The following PITPNC1 variants were observed in gnomAD, a reference collection of about 807,000 sequenced individuals.
PITPNC1 encodes the protein cytoplasmic phosphatidylinositol transfer protein 1.
In PITPNC1, 18 loss-of-function variants were observed where a neutral mutation model predicts 44.7. The ratio of observed to expected loss-of-function variants is 0.40; its 90% confidence interval spans 0.28 to 0.60. The LOEUF (loss-of-function observed/expected upper bound fraction) is 0.60. Ranked by LOEUF, PITPNC1 falls within the 20% of genes least tolerant of loss-of-function variation. PITPNC1 has a pLI of 0.39. For synonymous variants in PITPNC1, 141 were observed against 149.6 expected (o/e 0.94, Z 0.42); for missense variants, 290 against 418.4 (o/e 0.69, Z 2.68).
At chr17:67,416,680 AG>A (rs1420067074) in intron 1 of PITPNC1, among the ~76,000 whole-genome samples, 1 of 152,174 alleles carries the variant, frequency 6.6e-6, no homozygotes, top group Non-Finnish European at 1.5e-5. Flanking sequence ...ATATTTGAGA[AG>A]TACAATTTTT....
At chr17:67,603,076 A>G (rs2144277061) in intron 5 of PITPNC1, among the ~76,000 whole-genome samples, 1 of 152,236 alleles carries the variant, frequency 6.6e-6, no homozygotes, top group Non-Finnish European at 1.5e-5. Flanking sequence ...CAGTGGGTTC[A>G]TTTGATCAAT....
chr17:67,607,914 G>A (rs1383548167), intron 5 of PITPNC1, among the ~76,000 whole-genome samples: 3 of 151,864 alleles, frequency 2.0e-5, no homozygotes, highest in Non-Finnish European at 2.9e-5. Flanking sequence ...ATTTTTAGTA[G>A]AGATGGGGTT....
intron 1 of PITPNC1, among the ~76,000 whole-genome samples, chr17:67,483,536 C>T (rs188102715): frequency 1.7e-4 from 26 of 152,284 alleles, no homozygotes; most frequent in African/African-American, 5.5e-4. Flanking sequence ...CTTCTTTGAT[C>T]AACATTAAGA....
intron 4 of PITPNC1, among the ~76,000 whole-genome samples, chr17:67,570,278 A>G (rs2144211425): frequency 6.6e-6 from 1 of 152,324 alleles, no homozygotes; most frequent in East Asian, 1.9e-4. Flanking sequence ...AGGCCAGTGG[A>G]AGGGGCACCT....
In PITPNC1 at chr17:67,575,979, C is replaced by T. The variant is rs144679661; in HGVS notation, c.295-2207C>T. ...GCAACCTCCACGTCCCAGGTTCAAGCGATTCTCGTGCCTCAGCCTCCCAAG... is the reference window on the plus strand; with the variant it reads ...GCAACCTCCACGTCCCAGGTTCAAGTGATTCTCGTGCCTCAGCCTCCCAAG... On this transcript the variant is annotated intron_variant, in intron 4 of 8. Coordinates refer to ENST00000581322, the MANE Select transcript of PITPNC1 (RefSeq NM_012417.4). Among the ~76,000 whole-genome samples, 762 of 146,276 alleles carry T rather than the reference C, an allele frequency of 5.2e-3. 4 individuals carry two copies. Among genetic ancestry groups the T allele is most frequent in the African/African-American group, 0.018 (715 of 39,462 alleles).
At chr17:67,629,564 A>T (rs977139488) in intron 5 of PITPNC1, among the ~76,000 whole-genome samples, 2 of 152,296 alleles carry the variant, frequency 1.3e-5, no homozygotes, top group Admixed American at 1.3e-4. Flanking sequence ...GGTGTGAGCC[A>T]CTGTGCCTGG....
intron 1 of PITPNC1, among the ~76,000 whole-genome samples, chr17:67,436,511 G>A (rs1241099051): frequency 6.6e-6 from 1 of 152,102 alleles, no homozygotes; most frequent in Non-Finnish European, 1.5e-5. Flanking sequence ...AGGGAGGCCA[G>A]GGAGGGGAAG....
intron 1 of PITPNC1, among the ~76,000 whole-genome samples, chr17:67,462,658 C>T (rs1216638589): frequency 6.6e-6 from 1 of 150,814 alleles, no homozygotes; most frequent in East Asian, 1.9e-4. Flanking sequence ...TGAGGTGGAG[C>T]TAGGAAAGTT....
Position 67,672,101 on chromosome 17 carries a change from C to CT in PITPNC1, c.618+2442dup, listed in dbSNP as rs1226627844. Among the ~76,000 whole-genome samples the CT allele has an allele frequency of 2.1e-4, 32 of 151,822 alleles. No homozygotes were observed. The East Asian group carries it at 6.1e-3, about 29-fold the overall frequency. On this transcript the variant is annotated intron_variant, in intron 7 of 8. Coordinates refer to ENST00000581322, the MANE Select transcript of PITPNC1 (RefSeq NM_012417.4). ...GGTGCATGCCACCACACCAGGCTAA[C>CT]TTTTGTATTATTAGTAGAGACGGGG...
intron 1 of PITPNC1, among the ~76,000 whole-genome samples, chr17:67,414,506 C>G (rs2038556963): frequency 6.6e-6 from 1 of 151,778 alleles, no homozygotes; most frequent in Non-Finnish European, 1.5e-5. Context: ...ATGTAAAATT[C>G]TAAAGGTCTG....
chr17:67,428,675 A>G (rs1260196985), intron 1 of PITPNC1, among the ~76,000 whole-genome samples: 1 of 152,170 alleles, frequency 6.6e-6, no homozygotes, highest in Non-Finnish European at 1.5e-5. Context: ...TTAATAATGA[A>G]TATGTACTAC....
chr17:67,547,998 C>A (rs541529424), intron 2 of PITPNC1, among the ~76,000 whole-genome samples: 169 of 152,250 alleles, frequency 1.1e-3, no homozygotes, highest in African/African-American at 4.0e-3. Flanking sequence ...GGAGGCTGAG[C>A]CGCACCCTGG....
intron 1 of PITPNC1, among the ~76,000 whole-genome samples, chr17:67,531,204 C>T (rs1335215867): frequency 6.6e-6 from 1 of 152,208 alleles, no homozygotes; most frequent in African/African-American, 2.4e-5. Context: ...GATCACACCA[C>T]TGTAGTCCCG....
At chr17:67,668,814 A>T (rs1238574027) in intron 6 of PITPNC1, among the ~76,000 whole-genome samples, 1 of 120,178 alleles carries the variant, frequency 8.3e-6, no homozygotes, top group Non-Finnish European at 1.9e-5. Context: ...GTGAGCCGAG[A>T]TCGCACCACT....
intron 1 of PITPNC1, among the ~76,000 whole-genome samples, chr17:67,478,159 T>C (rs1381475478): frequency 6.6e-6 from 1 of 152,186 alleles, no homozygotes; most frequent in Non-Finnish European, 1.5e-5. Context: ...AATATTGGAA[T>C]GAAATGAAGG....
At chr17:67,413,129 A>G (rs2038529056) in intron 1 of PITPNC1, among the ~76,000 whole-genome samples, 1 of 152,244 alleles carries the variant, frequency 6.6e-6, no homozygotes, top group African/African-American at 2.4e-5. Context: ...TAGATCATCC[A>G]GAAAGAGAAT....
In PITPNC1 at chr17:67,639,897, T is replaced by C. The variant is rs1242559512; in HGVS notation, c.462+7659T>C. Among the ~76,000 whole-genome samples, 5 of 152,278 alleles carry C rather than the reference T, an allele frequency of 3.3e-5. No individual in the cohort carries two copies. The South Asian group carries it at 1.0e-3, about 32-fold the overall frequency. On this transcript the variant is annotated intron_variant, in intron 6 of 8. Transcript: ENST00000581322. ...AATATTGTCATATTTAGCTGTACCCTTCGGTACAAAGAGCTTCATCCAAAT... is the reference window on the plus strand; with the variant it reads ...AATATTGTCATATTTAGCTGTACCCCTCGGTACAAAGAGCTTCATCCAAAT...
intron 1 of PITPNC1, among the ~76,000 whole-genome samples, chr17:67,491,364 A>G (rs1808693): frequency 0.5 from 76,353 of 152,084 alleles, 19,170 homozygotes; most frequent in East Asian, 0.62. Flanking sequence ...TCATTAAGAA[A>G]TGCTTTCTGG....
chr17:67,543,827 T>C (rs1279799073), intron 2 of PITPNC1, among the ~76,000 whole-genome samples: 1 of 152,160 alleles, frequency 6.6e-6, no homozygotes, highest in African/African-American at 2.4e-5. Context: ...AATGCATTAG[T>C]ACATTTACAT....
Sources: gnomAD v4.1 joint callset for allele counts (sites outside exome capture counted in the v4.1 genomes callset) on GRCh38, gnomAD v4.1.1 for gene constraint, MANE v1.5 for transcripts, NCBI Gene and HGNC (gene_info 2026-07-23, HGNC 2026-07-21) for gene names.